Variants in VPS37C observed in about 807,000 individuals in gnomAD.
VPS37C encodes the protein VPS37C subunit of ESCRT-I, also known as vacuolar protein sorting-associated protein 37C.
A neutral mutation model predicts 16.1 loss-of-function variants in VPS37C; 9 were observed. That is an observed-to-expected ratio of 0.56 (90% CI 0.34 to 0.97). VPS37C has a LOEUF of 0.97. VPS37C is among the 50% of genes least tolerant of loss of function. The pLI, the probability that VPS37C is intolerant of heterozygous loss-of-function variation, is 0.02. For synonymous variants in VPS37C, 207 were observed against 206.4 expected (o/e 1.00, Z -0.02); for missense variants, 479 against 472.7 (o/e 1.01, Z -0.12).
intron 4 of VPS37C, 70 bp downstream of exon 4, chr11:61,133,185 C>G: frequency 6.5e-7 from 1 of 1,533,908 alleles, no homozygotes; most frequent in African/African-American, 1.4e-5. Flanking sequence ...TCTGCTTCTC[C>G]TTCCAAGGGC....
At chr11:61,134,366 T>C (rs748137951) in intron 2 of VPS37C, among the ~76,000 whole-genome samples, 159 bp from the exon 3 acceptor site, 20 of 152,182 alleles carry the variant, frequency 1.3e-4, no homozygotes, top group Non-Finnish European at 1.6e-4. Context: ...CAAAGCCAGG[T>C]TCAAACCCTG....
chr11:61,150,156 C>T (rs1853275350), intron 1 of VPS37C, among the ~76,000 whole-genome samples: 2 of 152,196 alleles, frequency 1.3e-5, no homozygotes, highest in Non-Finnish European at 2.9e-5. Context: ...CCGTTTCTAT[C>T]AGTGACTTCA....
At chr11:61,157,009 C>T (rs74613517) in intron 1 of VPS37C, among the ~76,000 whole-genome samples, 5,891 of 152,334 alleles carry the variant, frequency 0.039, 237 homozygotes, top group African/African-American at 0.1. Context: ...TTGTGACTGG[C>T]AGGTTTCACT....
Position 61,130,852 on chromosome 11 carries a change from TG to T in VPS37C, c.*967del. The stretch of plus-strand genomic sequence containing the variant: ...TTGATGCCTGTCTTAGGATGGACAC[TG>T]GGGGTGGGAGGATTACATCAACAGA... On this transcript the variant is annotated 3_prime_UTR_variant, in exon 5 of 5. Transcript: ENST00000301765. The T allele has an allele frequency of 2.4e-6, 1 of 420,568 alleles. No individual in the cohort carries two copies. Among genetic ancestry groups the T allele is most frequent in the Non-Finnish European group, 4.7e-6 (1 of 213,774 alleles). 26.1% of individuals were successfully genotyped at this position (420,568 alleles called of 1,614,324 possible).
chr11:61,134,308 G>A (rs1195332573), intron 2 of VPS37C, 101 bp from the exon 3 acceptor site: 1 of 1,349,954 alleles, frequency 7.4e-7, no homozygotes, highest in Non-Finnish European at 1.0e-6. Flanking sequence ...TCACCTTGGG[G>A]CGGAGAGGCT....
In VPS37C at chr11:61,150,791, T is replaced by G. The variant is rs969859111; in HGVS notation, c.-7+10600A>C. Among the ~76,000 whole-genome samples, 3 of 152,142 alleles carry G rather than the reference T, an allele frequency of 2.0e-5. No individual in the cohort carries two copies. The South Asian group carries it at 6.2e-4, about 32-fold the overall frequency. The stretch of plus-strand genomic sequence containing the variant: ...TCCACTCCCTTTCAGCTGTGATGTC[T>G]TGCCAGCAGCGTAGAGTGTGGGGAG... On this transcript the variant is annotated intron_variant, in intron 1 of 4. Transcript: ENST00000301765.
At position 61,131,939 on chromosome 11, in the gene VPS37C, G is replaced by A. The variant is rs1861269356; in HGVS notation, c.949C>T (p.Leu317Phe). ...GKPPYPIQPQ[L>F]PSFPGQPQPS... ...TGGGGCTGGCCTGGAAAGCTGGGGA[G>A]CTGAGGCTGTATTGGGTAGGGAGGT... The change falls in exon 5 of 5, where the codon CTC becomes TTC. Residue 317 changes from leucine (L) to phenylalanine (F), a missense_variant. By Grantham distance (22) the Leu-to-Phe change is conservative. Coordinates refer to ENST00000301765, the MANE Select transcript of VPS37C (RefSeq NM_017966.5). 1.5e-6 allele frequency: 2 copies of A among 1,297,606 alleles called. No individual in the cohort carries two copies. The highest frequency in any genetic ancestry group is 3.9e-5 in the Admixed American group (1 of 25,476). 80.4% of individuals were successfully genotyped at this position (1,297,606 alleles called of 1,614,324 possible). A position where few individuals can be genotyped will look rare whatever the true frequency, so the allele number is the denominator to read the frequency against.
intron 1 of VPS37C, among the ~76,000 whole-genome samples, chr11:61,141,346 C>G (rs1449027190): frequency 6.7e-6 from 1 of 149,068 alleles, no homozygotes; most frequent in Non-Finnish European, 1.5e-5. Flanking sequence ...CCAGCCTGGG[C>G]AACCGAGCAA....
At chr11:61,154,753 C>T (rs964674300) in intron 1 of VPS37C, among the ~76,000 whole-genome samples, 10 of 152,096 alleles carry the variant, frequency 6.6e-5, no homozygotes, top group East Asian at 5.8e-4. Flanking sequence ...ACAAAACACA[C>T]AAAGAAAATT....
chr11:61,135,216 C>T (rs1023659028), intron 2 of VPS37C, among the ~76,000 whole-genome samples: 9 of 152,228 alleles, frequency 5.9e-5, no homozygotes, highest in African/African-American at 1.7e-4. Flanking sequence ...ATAGGAAGCC[C>T]GTGGGCATTC....
chr11:61,151,989 A>G (rs1256228577), intron 1 of VPS37C, among the ~76,000 whole-genome samples: 1 of 152,072 alleles, frequency 6.6e-6, no homozygotes, highest in East Asian at 1.9e-4. Flanking sequence ...TGTTCAGATG[A>G]CTCGGAAAGG....
At chr11:61,146,054 C>A (rs1456449551) in intron 1 of VPS37C, among the ~76,000 whole-genome samples, 1 of 152,236 alleles carries the variant, frequency 6.6e-6, no homozygotes, top group Non-Finnish European at 1.5e-5. Flanking sequence ...CCAAGCCCAG[C>A]AGACTGGCTG....
In VPS37C at chr11:61,138,535, G is replaced by A. The variant is rs552724523; in HGVS notation, c.93+202C>T. 5.6e-4 allele frequency: 319 copies of A among 565,620 alleles called. 1 individual carries two copies. In the South Asian group the frequency reaches 5.7e-3, roughly 10 times the overall value. 35.0% of individuals were successfully genotyped at this position (565,620 alleles called of 1,614,324 possible). A position where few individuals can be genotyped will look rare whatever the true frequency, so the allele number is the denominator to read the frequency against. On this transcript the variant is annotated intron_variant, in intron 2 of 4. Coordinates refer to ENST00000301765, the MANE Select transcript of VPS37C (RefSeq NM_017966.5). ...GGTCCTGGGAAGGCACCAGGAGGCAGTGGACTCCCCAGCACTCCCAAGAAC... is the reference window on the plus strand; with the variant it reads ...GGTCCTGGGAAGGCACCAGGAGGCAATGGACTCCCCAGCACTCCCAAGAAC...
intron 3 of VPS37C, 82 bp from the exon 4 acceptor site, chr11:61,133,419 G>A (rs1371982817): frequency 1.6e-5 from 23 of 1,395,952 alleles, no homozygotes; most frequent in Non-Finnish European, 2.2e-5. Context: ...CCCTCTGTGT[G>A]CATCCAGGCC....
Position 61,131,645 on chromosome 11 carries a change from G to A in VPS37C, c.*175C>T. 1 of 937,664 alleles carries A rather than the reference G, an allele frequency of 1.1e-6. No individual in the cohort carries two copies. The allele number at this position is 937,664 out of a possible 1,614,324, so 58.1% of individuals were successfully genotyped here. A position where few individuals can be genotyped will look rare whatever the true frequency, so the allele number is the denominator to read the frequency against. On this transcript the variant is annotated 3_prime_UTR_variant, in exon 5 of 5. Transcript: ENST00000301765. ...GGACCTCTGGCCAGAAGGCCAGCAA[G>A]TGCCATGACCAGTCACACCGCCCAG...
intron 1 of VPS37C, among the ~76,000 whole-genome samples, chr11:61,151,122 G>A (rs140419941): frequency 5.3e-5 from 8 of 152,296 alleles, no homozygotes; most frequent in East Asian, 3.9e-4. Context: ...CACGGCCCAC[G>A]CGCCTCACTG....
Position 61,133,418 on chromosome 11 carries a change from T to G in VPS37C, c.266-81A>C. Reference sequence around the variant, plus strand: ...AAAGGCACTTTGCATACCCTCTGTGTGCATCCAGGCCCAGCCACCACAGCA... The same window carrying G: ...AAAGGCACTTTGCATACCCTCTGTGGGCATCCAGGCCCAGCCACCACAGCA... On this transcript the variant is annotated intron_variant, in intron 3 of 4. Coordinates refer to ENST00000301765, the MANE Select transcript of VPS37C (RefSeq NM_017966.5). 3 of 1,410,188 alleles carry G rather than the reference T, an allele frequency of 2.1e-6. No homozygotes were observed. In the South Asian group the frequency reaches 3.8e-5, roughly 18 times the overall value. The allele number at this position is 1,410,188 out of a possible 1,614,324, so 87.4% of individuals were successfully genotyped here.
chr11:61,133,285 C>CAG lies in VPS37C; in HGVS notation c.317_318insCT (p.Glu107TrpfsTer4), dbSNP rs1565191089. On this transcript the variant is annotated frameshift_variant, in exon 4 of 5. Coordinates refer to ENST00000301765, the MANE Select transcript of VPS37C (RefSeq NM_017966.5). LOFTEE classifies it low-confidence loss of function (END_TRUNC). ...ACTCTTCTTCGATCTTCATGCCTTC[C>CAG]ACCTGCAGAAGGTCTAACAAGGTCC... 1 of 1,614,176 alleles carries CAG rather than the reference C, an allele frequency of 6.2e-7. No homozygotes were observed. Among genetic ancestry groups the CAG allele is most frequent in the Middle Eastern group, 1.7e-4 (1 of 6,060 alleles).
intron 1 of VPS37C, among the ~76,000 whole-genome samples, chr11:61,153,970 G>A (rs1269977358): frequency 6.6e-6 from 1 of 152,230 alleles, no homozygotes; most frequent in East Asian, 1.9e-4. Context: ...CAGGACATTG[G>A]TAAAGCACTA....
Sources: gnomAD v4.1 joint callset for allele counts (sites outside exome capture counted in the v4.1 genomes callset) on GRCh38, gnomAD v4.1.1 for gene constraint, MANE v1.5 for transcripts, NCBI Gene and HGNC (gene_info 2026-07-23, HGNC 2026-07-21) for gene names.